The following OTUD7B variants were observed in gnomAD, a reference collection of about 807,000 sequenced individuals.
OTUD7B encodes OTU deubiquitinase 7B.
OTUD7B carries 34 observed loss-of-function variants against 82.2 expected under a neutral mutation model. The ratio of observed to expected loss-of-function variants is 0.41; its 90% CI spans 0.31 to 0.55. OTUD7B has a LOEUF of 0.55. Ranked by LOEUF, OTUD7B falls within the 20% of genes least tolerant of loss-of-function variation. The probability of loss-of-function intolerance (pLI) is 0.20; values close to 1 mark genes in which losing one functional copy is unlikely to be tolerated. For synonymous variants in OTUD7B, 398 were observed against 402.7 expected (o/e 0.99, Z 0.14); for missense variants, 944 against 1,062.1 (o/e 0.89, Z 1.55).
At chr1:150,045,916 A>G in the OTUD7B span, among the ~76,000 whole-genome samples, 20 of 152,242 alleles carry the variant, frequency 1.3e-4, no homozygotes, top group African/African-American at 4.8e-4. Flanking sequence ...TTATATAGTT[A>G]AAAGTAATAT....
chr1:150,056,029 C>T, the OTUD7B span, among the ~76,000 whole-genome samples: 1 of 151,912 alleles, frequency 6.6e-6, no homozygotes, highest in Non-Finnish European at 1.5e-5. Context: ...TACCCCCGAA[C>T]CTAAAATAAA....
intron 11 of OTUD7B, among the ~76,000 whole-genome samples, chr1:149,946,649 G>A (rs1371942614): frequency 6.7e-6 from 1 of 149,942 alleles, no homozygotes; most frequent in African/African-American, 2.5e-5. Flanking sequence ...GGCTGATGCA[G>A]GAGAATCACT....
In OTUD7B at chr1:149,947,132, C is replaced by T. The variant is rs868915175; in HGVS notation, c.1323+119G>A. Reference sequence around the variant, plus strand: ...TCTGACATCTTCTAGTTACTTCTAACCTTGAATTGTAAGCCACCACTCAGA... The same window carrying T: ...TCTGACATCTTCTAGTTACTTCTAATCTTGAATTGTAAGCCACCACTCAGA... On this transcript the variant is annotated intron_variant, in intron 11 of 11. Coordinates refer to ENST00000581312, the MANE Select transcript of OTUD7B (RefSeq NM_020205.4). 3 of 570,504 alleles carry T rather than the reference C, an allele frequency of 5.3e-6. No homozygotes were observed. The Middle Eastern group carries it at 8.2e-4, about 157-fold the overall frequency. The allele number at this position is 570,504 out of a possible 1,614,324, so 35.3% of individuals were successfully genotyped here.
Position 149,977,498 on chromosome 1 carries a change from T to A in OTUD7B, c.13A>T (p.Met5Leu). 3 of 1,614,052 alleles carry A rather than the reference T, an allele frequency of 1.9e-6. No homozygotes were observed. Among genetic ancestry groups the A allele is most frequent in the Non-Finnish European group, 2.5e-6 (3 of 1,179,916 alleles). Residue 5 changes from methionine (M) to leucine (L), a missense_variant, in exon 2 of 12, where the codon ATG becomes TTG. This residue lies in a region of OTUD7B where 530 missense variants were observed against 625.6 expected (regional missense o/e 0.85). Coordinates refer to ENST00000581312, the MANE Select transcript of OTUD7B (RefSeq NM_020205.4). ...ACAAAATCTGACAGAACAGCATCCA[T>A]GTCCAGGGTCATGTGATCCTCAAGT... MTLD[M>L]DAVLSDFVRS...
chr1:149,972,165 C>T (rs1649983937), intron 2 of OTUD7B, among the ~76,000 whole-genome samples: 1 of 152,092 alleles, frequency 6.6e-6, no homozygotes, highest in Admixed American at 6.6e-5. Flanking sequence ...TTTCCTTATC[C>T]GTGAAAATGC....
chr1:149,991,990 G>T (rs1553782189), intron 1 of OTUD7B, among the ~76,000 whole-genome samples: 3 of 152,168 alleles, frequency 2.0e-5, no homozygotes, highest in Admixed American at 2.0e-4. Context: ...AGCACTTTGG[G>T]AGGCCAAGGC....
chr1:149,998,635 C>A (rs1652070194), intron 1 of OTUD7B, among the ~76,000 whole-genome samples: 1 of 152,222 alleles, frequency 6.6e-6, no homozygotes, highest in African/African-American at 2.4e-5. Flanking sequence ...CTGTACTCCT[C>A]ACTTGGTACT....
At chr1:149,949,462 C>CTT (rs377469748) in intron 9 of OTUD7B, among the ~76,000 whole-genome samples, 167 bp downstream of exon 9, 125 of 148,356 alleles carry the variant, frequency 8.4e-4, no homozygotes, top group South Asian at 5.5e-3. Context: ...TCTCCCAACC[C>CTT]TTTTTTTTTT....
chr1:150,054,826 A>AAAAAAAAAAAAAAAAAAAAAAAC, the OTUD7B span: 2 of 172,256 alleles, frequency 1.2e-5, no homozygotes, highest in Non-Finnish European at 2.4e-5. Flanking sequence ...AAAAAAAAAA[A>AAAAAAAAAAAAAAAAAAAAAAAC]AAAGACGCTG....
chr1:149,948,093 C>A (rs2015796105), intron 10 of OTUD7B, among the ~76,000 whole-genome samples: 1 of 152,194 alleles, frequency 6.6e-6, no homozygotes, highest in South Asian at 2.1e-4. Flanking sequence ...TATTCTCCTG[C>A]CTCAGCCTCC....
chr1:150,022,230 T>C, the OTUD7B span, among the ~76,000 whole-genome samples: 3 of 151,742 alleles, frequency 2.0e-5, no homozygotes, highest in Non-Finnish European at 2.9e-5. Context: ...AAACCCCGTC[T>C]CTACTAAAAA....
At chr1:149,992,654 T>C (rs1553782401) in intron 1 of OTUD7B, among the ~76,000 whole-genome samples, 2 of 151,822 alleles carry the variant, frequency 1.3e-5, no homozygotes, top group Admixed American at 1.3e-4. Context: ...TTTTGTATCA[T>C]AAAGACGGGG....
intron 11 of OTUD7B, among the ~76,000 whole-genome samples, 181 bp from the exon 12 acceptor site, chr1:149,945,246 A>T (rs1647631750): frequency 6.6e-6 from 1 of 152,122 alleles, no homozygotes; most frequent in Non-Finnish European, 1.5e-5. Flanking sequence ...TTGCCTAGTG[A>T]CTGCCTTGCT....
In OTUD7B at chr1:149,954,468, C is replaced by T. The variant is rs373109892; in HGVS notation, c.846-4247G>A. Among the ~76,000 whole-genome samples, 16 of 152,178 alleles carry T rather than the reference C, an allele frequency of 1.1e-4. No individual in the cohort carries two copies. The East Asian group carries it at 3.1e-3, about 29-fold the overall frequency. The stretch of plus-strand genomic sequence containing the variant: ...GTTTGCCAGTATTTTATTGAGGATT[C>T]TTGCATCGATGTTCATCAGGGATAG... On this transcript the variant is annotated intron_variant, in intron 7 of 11. Transcript: ENST00000581312.
intron 6 of OTUD7B, among the ~76,000 whole-genome samples, chr1:149,960,525 C>T (rs1328138979): frequency 1.3e-5 from 2 of 150,758 alleles, no homozygotes; most frequent in East Asian, 3.9e-4. Context: ...GCTGGGATTA[C>T]AGCACCCACC....
intron 1 of OTUD7B, among the ~76,000 whole-genome samples, chr1:150,001,417 C>T (rs1192104563): frequency 2.0e-5 from 3 of 152,216 alleles, no homozygotes; most frequent in African/African-American, 4.8e-5. Context: ...GGAGCCTTCA[C>T]ATCCCTCAAA....
chr1:149,954,994 G>C (rs1421351776), intron 7 of OTUD7B, among the ~76,000 whole-genome samples: 12 of 152,116 alleles, frequency 7.9e-5, no homozygotes, highest in African/African-American at 2.9e-4. Context: ...CAAAAAACCA[G>C]CTCCTGGATT....
At chr1:150,064,646 G>C in the OTUD7B span, among the ~76,000 whole-genome samples, 1 of 152,132 alleles carries the variant, frequency 6.6e-6, no homozygotes, top group South Asian at 2.1e-4. Context: ...TAGGATTACA[G>C]GCATGAACCA....
chr1:150,026,478 C>A, the OTUD7B span, among the ~76,000 whole-genome samples: 5 of 152,158 alleles, frequency 3.3e-5, no homozygotes, highest in Non-Finnish European at 5.9e-5. Context: ...ATAACAGTAT[C>A]CCACTTCCCT....
Sources: allele counts gnomAD v4.1 joint callset (sites outside exome capture counted in the v4.1 genomes callset), GRCh38; gene constraint gnomAD v4.1.1; regional missense constraint gnomAD v4.1.1; transcripts MANE v1.5; gene names NCBI Gene and HGNC (gene_info 2026-07-23, HGNC 2026-07-21).